Variants in UVRAG observed in about 807,000 individuals in gnomAD.
UVRAG encodes UV radiation resistance associated, also known as UV radiation resistance-associated gene protein.
A neutral mutation model predicts 78.0 loss-of-function variants in UVRAG; 19 were observed. The observed-to-expected ratio is 0.24, with a 90% confidence interval of 0.17 to 0.36. The LOEUF (loss-of-function observed/expected upper bound fraction) is 0.36. UVRAG is among the 10% of genes least tolerant of loss of function. UVRAG has a pLI of 1.00. For missense variants in UVRAG, 740 were observed against 853.8 expected (o/e 0.87, Z 1.66); for synonymous variants, 323 against 324.6 (o/e 1.00, Z 0.05).
At chr11:75,828,731 GTATATATATATATATACACACACA>G (rs1342357287) in intron 1 of UVRAG, among the ~76,000 whole-genome samples, 1,730 of 110,726 alleles carry the variant, frequency 0.016, 34 homozygotes, top group African/African-American at 0.059. Flanking sequence ...ATGTGTGTGT[GTATATATATATATATACACACACA>G]TATATATATA....
chr11:76,058,942 G>A (rs190643002), intron 12 of UVRAG, among the ~76,000 whole-genome samples: 1 of 152,256 alleles, frequency 6.6e-6, no homozygotes, highest in South Asian at 2.1e-4. Context: ...TGAACTTGAT[G>A]TGTTTGTGAC....
rs112821597 is a variant in UVRAG at position 76,105,176 on chromosome 11, A to G, written c.1306-10748A>G. 1.7e-3 allele frequency among the ~76,000 whole-genome samples: 256 copies of G among 152,308 alleles called. 5 individuals carry two copies. The highest frequency in any genetic ancestry group is 5.9e-3 in the African/African-American group (244 of 41,564). On this transcript the variant is annotated intron_variant, in intron 13 of 14. Transcript: ENST00000356136. Reference sequence around the variant, plus strand: ...ACTGTGGGAGGGCCAGTAGAGATACAGATGGCAAATAAACATATGAAAAAA... The same window carrying G: ...ACTGTGGGAGGGCCAGTAGAGATACGGATGGCAAATAAACATATGAAAAAA...
chr11:75,966,062 A>C (rs970219735), intron 7 of UVRAG, among the ~76,000 whole-genome samples: 1 of 152,156 alleles, frequency 6.6e-6, no homozygotes, highest in African/African-American at 2.4e-5. Context: ...GAGAGTTTTT[A>C]TCACGAATAG....
intron 7 of UVRAG, among the ~76,000 whole-genome samples, chr11:75,974,842 A>T (rs150900686): frequency 0.044 from 6,758 of 152,170 alleles, 225 homozygotes; most frequent in Middle Eastern, 0.065. Flanking sequence ...GTTCACTCTG[A>T]TGGTAGTTTC....
At chr11:76,131,343 C>T (rs539971729) in intron 14 of UVRAG, among the ~76,000 whole-genome samples, 10 of 152,278 alleles carry the variant, frequency 6.6e-5, no homozygotes, top group East Asian at 5.8e-4. Flanking sequence ...GATGGGCTCT[C>T]GGCAATAGGC....
At chr11:76,121,586 T>A (rs948630109) in intron 14 of UVRAG, among the ~76,000 whole-genome samples, 8 of 152,192 alleles carry the variant, frequency 5.3e-5, no homozygotes, top group Non-Finnish European at 1.0e-4. Flanking sequence ...TTGAAGAGAT[T>A]ATGTGCGAGG....
At chr11:76,137,433 T>G (rs1952618893) in intron 14 of UVRAG, 2 of 456,198 alleles carry the variant, frequency 4.4e-6, no homozygotes, top group South Asian at 3.1e-5. Flanking sequence ...TGCCTTTTCT[T>G]GTTCAACTTT....
At chr11:75,937,215 A>G (rs1948390268) in intron 6 of UVRAG, among the ~76,000 whole-genome samples, 2 of 152,158 alleles carry the variant, frequency 1.3e-5, no homozygotes, top group African/African-American at 4.8e-5. Flanking sequence ...TAAAAATACA[A>G]AAATTAACTG....
At chr11:75,949,670 G>A (rs1948646861) in intron 6 of UVRAG, among the ~76,000 whole-genome samples, 1 of 148,692 alleles carries the variant, frequency 6.7e-6, no homozygotes, top group Admixed American at 6.7e-5. Flanking sequence ...CTTTGGCAGT[G>A]TAATTTATAT....
chr11:75,963,284 A>AT (rs776729078), intron 7 of UVRAG, among the ~76,000 whole-genome samples: 14 of 152,166 alleles, frequency 9.2e-5, no homozygotes, highest in South Asian at 2.1e-4. Context: ...CTCAATAAGT[A>AT]TTTGTTGAAT....
At chr11:75,830,575 G>A (rs532858797) in intron 1 of UVRAG, among the ~76,000 whole-genome samples, 5 of 152,070 alleles carry the variant, frequency 3.3e-5, no homozygotes, top group Admixed American at 2.0e-4. Flanking sequence ...CCGGCCGTAA[G>A]TATTCTTTAA....
intron 3 of UVRAG, among the ~76,000 whole-genome samples, chr11:75,863,513 A>T (rs1053988049): frequency 1.3e-5 from 2 of 152,218 alleles, no homozygotes; most frequent in Non-Finnish European, 2.9e-5. Context: ...ACCCTATGTC[A>T]TAATGGCACT....
Position 75,879,970 on chromosome 11 carries a change from A to T in UVRAG, c.362A>T (p.Lys121Met). The change falls in exon 4 of 15, where the codon AAG (lysine) becomes ATG (methionine). Residue 121 changes from lysine (K) to methionine (M), a missense_variant. Coordinates refer to ENST00000356136, the MANE Select transcript of UVRAG (RefSeq NM_003369.4). ...TTCGTGGTGAAGATATGGGGTGGAA[A>T]GGAGAACATCTACCAGCTGTTGATT... is the stretch of plus-strand genomic sequence containing the variant. ...SCFVVKIWGG[K>M]ENIYQLLIEW... 2 of 1,614,186 alleles carry T rather than the reference A, an allele frequency of 1.2e-6. No homozygotes were observed. Among genetic ancestry groups the T allele is most frequent in the Non-Finnish European group, 1.7e-6 (2 of 1,180,022 alleles).
chr11:75,973,985 T>C (rs1277130862), intron 7 of UVRAG, among the ~76,000 whole-genome samples: 1 of 152,214 alleles, frequency 6.6e-6, no homozygotes, highest in Non-Finnish European at 1.5e-5. Flanking sequence ...TTCCAAGTCT[T>C]TGCTATTGTG....
chr11:75,973,206 G>A (rs980448278), intron 7 of UVRAG, among the ~76,000 whole-genome samples: 9 of 152,166 alleles, frequency 5.9e-5, no homozygotes, highest in African/African-American at 9.7e-5. Flanking sequence ...AGTTAAGGAA[G>A]TTCCCCTCTT....
intron 5 of UVRAG, among the ~76,000 whole-genome samples, chr11:75,892,674 C>A (rs1324032292): frequency 6.6e-6 from 1 of 152,150 alleles, no homozygotes; most frequent in Non-Finnish European, 1.5e-5. Context: ...AGTTAGTGAG[C>A]TTTGTTAATT....
intron 12 of UVRAG, among the ~76,000 whole-genome samples, chr11:76,020,314 G>A (rs1467830316): frequency 6.6e-6 from 1 of 152,068 alleles, no homozygotes; most frequent in Non-Finnish European, 1.5e-5. Flanking sequence ...AAGCCCATTT[G>A]GTGCTCTACT....
chr11:76,085,538 G>A (rs991246573), intron 13 of UVRAG, among the ~76,000 whole-genome samples: 1 of 152,158 alleles, frequency 6.6e-6, no homozygotes, highest in Non-Finnish European at 1.5e-5. Context: ...AAGACATTCT[G>A]GATGAAGGAA....
intron 7 of UVRAG, among the ~76,000 whole-genome samples, chr11:75,982,663 A>G (rs1393562021): frequency 6.6e-6 from 1 of 152,214 alleles, no homozygotes; most frequent in Non-Finnish European, 1.5e-5. Flanking sequence ...CAGGGGGGTT[A>G]GAGCACCTCG....
Sources: allele counts gnomAD v4.1 joint callset (sites outside exome capture counted in the v4.1 genomes callset), GRCh38; gene constraint gnomAD v4.1.1; transcripts MANE v1.5; gene names NCBI Gene and HGNC (gene_info 2026-07-23, HGNC 2026-07-21).